The following SORCS1 variants were observed in gnomAD, a reference collection of about 807,000 sequenced individuals.
SORCS1 encodes the protein sortilin related VPS10 domain containing receptor 1.
Under a neutral mutation model 146.1 loss-of-function variants are expected in SORCS1, and 60 were observed. That is an observed-to-expected ratio of 0.41 (90% CI 0.33 to 0.51). The LOEUF (loss-of-function observed/expected upper bound fraction) is 0.51, where lower values mean the gene tolerates loss of function less well. SORCS1 is among the 20% of genes least tolerant of loss of function. SORCS1 has a pLI of 0.21. For missense variants in SORCS1, 1,352 were observed against 1,487.6 expected (o/e 0.91, Z 1.50); for synonymous variants, 637 against 584.0 (o/e 1.09, Z -1.31).
intron 3 of SORCS1, among the ~76,000 whole-genome samples, chr10:106,784,012 G>C (rs1861092459): frequency 6.6e-6 from 1 of 152,104 alleles, no homozygotes; most frequent in Admixed American, 6.5e-5. Flanking sequence ...CATTTTACTG[G>C]AGAAATTGCT....
intron 18 of SORCS1, among the ~76,000 whole-genome samples, chr10:106,651,252 T>C (rs1849840058): frequency 6.6e-6 from 1 of 152,190 alleles, no homozygotes; most frequent in Non-Finnish European, 1.5e-5. Context: ...AAAATTTTCA[T>C]CAAACCTGAC....
intron 1 of SORCS1, among the ~76,000 whole-genome samples, chr10:106,982,703 A>C (rs1445667649): frequency 2.6e-5 from 4 of 152,212 alleles, no homozygotes; most frequent in African/African-American, 9.7e-5. Flanking sequence ...CAGGTAAAAG[A>C]TACAGCCAGG....
chr10:106,756,179 G>A (rs1324771745), intron 5 of SORCS1, among the ~76,000 whole-genome samples: 1 of 151,934 alleles, frequency 6.6e-6, no homozygotes, highest in African/African-American at 2.4e-5. Context: ...AGTGTCCACT[G>A]CTGTCACAAA....
chr10:107,080,797 A>G (rs1014125494), intron 1 of SORCS1, among the ~76,000 whole-genome samples: 1 of 152,172 alleles, frequency 6.6e-6, no homozygotes, highest in Non-Finnish European at 1.5e-5. Context: ...ATGAATTTTA[A>G]CCTCATGTTG....
At chr10:106,844,816 G>A (rs1409307238) in intron 2 of SORCS1, among the ~76,000 whole-genome samples, 1 of 141,960 alleles carries the variant, frequency 7.0e-6, no homozygotes, top group Non-Finnish European at 1.5e-5. Context: ...CCACCTATGA[G>A]TGAGAATATG....
At chr10:106,578,865 A>G in intron 25 of SORCS1, 3 of 1,383,782 alleles carry the variant, frequency 2.2e-6, no homozygotes, top group Non-Finnish European at 2.8e-6. Context: ...GGGTTTTGCA[A>G]AAGGAGGAAT....
At chr10:106,951,514 A>T (rs822096) in intron 2 of SORCS1, among the ~76,000 whole-genome samples, 5 of 62,310 alleles carry the variant, frequency 8.0e-5, no homozygotes, top group Admixed American at 3.9e-4. Context: ...TCCGTCTCTG[A>T]AAAAAAAAAA....
At chr10:106,990,838 T>C (rs7090143) in intron 1 of SORCS1, among the ~76,000 whole-genome samples, 26,643 of 152,216 alleles carry the variant, frequency 0.18, 7,135 homozygotes, top group African/African-American at 0.58. Flanking sequence ...TAAAATCTCA[T>C]TAAAAGAGGT....
chr10:107,162,868 G>T (rs1264136808), intron 1 of SORCS1, among the ~76,000 whole-genome samples: 1 of 152,160 alleles, frequency 6.6e-6, no homozygotes, highest in Non-Finnish European at 1.5e-5. Context: ...CAATTACCTG[G>T]TTGAAGCTGT....
intron 1 of SORCS1, among the ~76,000 whole-genome samples, chr10:107,114,683 A>G (rs569256701): frequency 6.6e-6 from 1 of 152,232 alleles, no homozygotes; most frequent in South Asian, 2.1e-4. Context: ...GCTTTTCCTC[A>G]AGATCAGGAA....
intron 2 of SORCS1, among the ~76,000 whole-genome samples, chr10:106,866,391 C>T (rs540014668): frequency 1.3e-5 from 2 of 152,320 alleles, no homozygotes; most frequent in Admixed American, 6.5e-5. Context: ...GAGCTGATTA[C>T]ACTGAGCGAC....
At chr10:106,902,993 G>C (rs948724363) in intron 2 of SORCS1, among the ~76,000 whole-genome samples, 2 of 152,184 alleles carry the variant, frequency 1.3e-5, no homozygotes, top group African/African-American at 4.8e-5. Context: ...TAGGAGAATC[G>C]CTTGAACTCA....
At chr10:106,786,042 C>A (rs561028851) in intron 3 of SORCS1, among the ~76,000 whole-genome samples, 1 of 152,128 alleles carries the variant, frequency 6.6e-6, no homozygotes, top group African/African-American at 2.4e-5. Flanking sequence ...GACAGCAGTG[C>A]GGTGTTTTAT....
chr10:107,008,994 TCAAAACAAAACTAAA>T (rs1369028317), intron 1 of SORCS1, among the ~76,000 whole-genome samples: 1 of 152,224 alleles, frequency 6.6e-6, no homozygotes, highest in African/African-American at 2.4e-5. Context: ...AGACTCCGTC[TCAAAACAAAACTAAA>T]CAAAACAAAT....
At chr10:107,131,383 C>T (rs966539965) in intron 1 of SORCS1, among the ~76,000 whole-genome samples, 2 of 152,246 alleles carry the variant, frequency 1.3e-5, no homozygotes, top group Non-Finnish European at 2.9e-5. Context: ...TTCCCACAGT[C>T]TAGCTGCAGA....
intron 1 of SORCS1, among the ~76,000 whole-genome samples, chr10:106,957,332 C>G (rs984300808): frequency 8.6e-5 from 13 of 151,830 alleles, no homozygotes; most frequent in African/African-American, 3.1e-4. Context: ...CACCACCACG[C>G]CCGGCTAATT....
intron 9 of SORCS1, among the ~76,000 whole-genome samples, chr10:106,688,692 T>C (rs1174980492): frequency 1.3e-5 from 2 of 152,186 alleles, no homozygotes; most frequent in African/African-American, 4.8e-5. Flanking sequence ...GCTACTTCTA[T>C]TGTATGCTAG....
intron 2 of SORCS1, among the ~76,000 whole-genome samples, chr10:106,866,826 C>G (rs1950236760): frequency 6.6e-6 from 1 of 152,236 alleles, no homozygotes; most frequent in Non-Finnish European, 1.5e-5. Flanking sequence ...CCTGTGAGAA[C>G]ATTTAGAAAA....
chr10:106,798,985 C>A (rs1156539657), intron 3 of SORCS1, among the ~76,000 whole-genome samples: 2 of 152,172 alleles, frequency 1.3e-5, no homozygotes, highest in African/African-American at 4.8e-5. Flanking sequence ...AACTATACTA[C>A]AAAGCTACAG....
Sources: allele counts gnomAD v4.1 joint callset (sites outside exome capture counted in the v4.1 genomes callset), GRCh38; gene constraint gnomAD v4.1.1; transcripts MANE v1.5; gene names NCBI Gene and HGNC (gene_info 2026-07-23, HGNC 2026-07-21).